Variants in NAV2 observed in about 807,000 individuals in gnomAD.
NAV2 encodes helicase, APC down-regulated 1.
In NAV2, 54 loss-of-function variants were observed where a neutral mutation model predicts 223.2. The ratio of observed to expected loss-of-function variants is 0.24; its 90% CI spans 0.19 to 0.30. NAV2 has a LOEUF of 0.30. Ranked by LOEUF, NAV2 falls within the 10% of genes least tolerant of loss-of-function variation. The pLI, the probability that NAV2 is intolerant of heterozygous loss-of-function variation, is 1.00. For synonymous variants in NAV2, 1,279 were observed against 1,239.3 expected, an observed-to-expected ratio of 1.03 and a Z score of -0.67; for missense variants, 2,806 against 3,147.5, an observed-to-expected ratio of 0.89 and a Z score of 2.60.
chr11:20,080,313 A>C, intron 25 of NAV2, 104 bp downstream of exon 25: 1 of 1,102,976 alleles, frequency 9.1e-7, no homozygotes, highest in Non-Finnish European at 1.3e-6. Context: ...TATCTGTGGA[A>C]CATAGCACTT....
chr11:19,375,540 C>G (rs1848612355), intron 1 of NAV2, among the ~76,000 whole-genome samples: 1 of 152,240 alleles, frequency 6.6e-6, no homozygotes, highest in Non-Finnish European at 1.5e-5. Context: ...CTCCCAGCCT[C>G]TCCTTCCTAT....
At chr11:19,448,707 A>C (rs528707635) in intron 1 of NAV2, among the ~76,000 whole-genome samples, 25 of 152,370 alleles carry the variant, frequency 1.6e-4, no homozygotes, top group Non-Finnish European at 1.3e-4. Context: ...TCCTTACTTC[A>C]TATTATGAGC....
chr11:19,814,437 T>TTTCCACTTGCTGCCGA (rs1555073083), intron 1 of NAV2, among the ~76,000 whole-genome samples: 5 of 152,190 alleles, frequency 3.3e-5, no homozygotes, highest in African/African-American at 1.2e-4. Context: ...GGAAGGCATC[T>TTTCCACTTGCTGCCGA]GTACCCATGG....
intron 1 of NAV2, among the ~76,000 whole-genome samples, chr11:19,565,748 CAT>C (rs2045246720): frequency 1.3e-5 from 2 of 152,230 alleles, no homozygotes; most frequent in African/African-American, 2.4e-5. Flanking sequence ...TGTGTGCAAA[CAT>C]GTGTGCACCC....
intron 1 of NAV2, among the ~76,000 whole-genome samples, chr11:19,669,498 T>A (rs1011453575): frequency 6.6e-6 from 1 of 152,238 alleles, no homozygotes; most frequent in Non-Finnish European, 1.5e-5. Flanking sequence ...GATGATTAAA[T>A]GAGTTGGGAT....
intron 1 of NAV2, among the ~76,000 whole-genome samples, chr11:19,567,497 G>T (rs1400808377): frequency 6.6e-6 from 1 of 152,226 alleles, no homozygotes; most frequent in Non-Finnish European, 1.5e-5. Flanking sequence ...GAGAGGTTGA[G>T]TGATTTGCCC....
At chr11:20,089,800 G>A (rs2060703068) in intron 26 of NAV2, among the ~76,000 whole-genome samples, 1 of 152,070 alleles carries the variant, frequency 6.6e-6, no homozygotes, top group African/African-American at 2.4e-5. Context: ...GTGCTGATTT[G>A]CCAGGTGTTT....
chr11:19,878,868 G>A (rs746594533), intron 4 of NAV2, among the ~76,000 whole-genome samples: 28 of 152,198 alleles, frequency 1.8e-4, no homozygotes, highest in Non-Finnish European at 2.6e-4. Flanking sequence ...ACCTGTAAGT[G>A]TGCATTACCT....
chr11:19,570,466 C>T (rs12418875), intron 1 of NAV2, among the ~76,000 whole-genome samples: 5,497 of 152,196 alleles, frequency 0.036, 221 homozygotes, highest in East Asian at 0.19. Context: ...TGGACTTTAT[C>T]AAAATTAAAA....
chr11:20,088,742 G>T (rs2060621423), intron 26 of NAV2, among the ~76,000 whole-genome samples: 1 of 152,178 alleles, frequency 6.6e-6, no homozygotes, highest in African/African-American at 2.4e-5. Flanking sequence ...TGGGAAAAGG[G>T]TGCAGATCAG....
chr11:19,916,103 T>C (rs1014284254), intron 6 of NAV2, among the ~76,000 whole-genome samples: 1 of 152,220 alleles, frequency 6.6e-6, no homozygotes, highest in Non-Finnish European at 1.5e-5. Flanking sequence ...ATAGTGCCTT[T>C]TACACAGTAT....
intron 1 of NAV2, among the ~76,000 whole-genome samples, chr11:19,421,122 T>A (rs1018667716): frequency 6.6e-6 from 1 of 152,186 alleles, no homozygotes; most frequent in Non-Finnish European, 1.5e-5. Context: ...TCATAGTCGA[T>A]GGACCTGCCT....
At position 19,903,450 on chromosome 11, in the gene NAV2, A is replaced by T. The variant is rs2042610329; in HGVS notation, c.931+10856A>T. Among the ~76,000 whole-genome samples, 6 of 152,294 alleles carry T rather than the reference A, an allele frequency of 3.9e-5. No homozygotes were observed. The South Asian group carries it at 1.2e-3, about 32-fold the overall frequency. ...TCCCCAAACTTTGTGGACAATGCAC[A>T]GATAACAACTGCTGATGGAAATCAA... On this transcript the variant is annotated intron_variant, in intron 6 of 37. Transcript: ENST00000349880.
At chr11:19,350,642 A>G (rs181691322), upstream of NAV2, 1,318 of 400,510 alleles carry the variant, frequency 3.3e-3, 5 homozygotes, top group Non-Finnish European at 5.0e-3. Flanking sequence ...GCCTCAGGAT[A>G]TGGACTTGTC....
chr11:19,659,759 A>G (rs2048224850), intron 1 of NAV2, among the ~76,000 whole-genome samples: 1 of 152,178 alleles, frequency 6.6e-6, no homozygotes, highest in Admixed American at 6.5e-5. Flanking sequence ...CTGAGTTTCA[A>G]TCCTAACCCT....
rs189183704 is a variant in NAV2, at chr11:19,524,266, G to A, written c.75+173239G>A. On this transcript the variant is annotated intron_variant, in intron 1 of 37. Transcript: ENST00000360655. ...GAAAAATTCTGCACATCTGCCACTTGGAGTATCTGCTGGTTGGGTTATGCA... is the reference window on the plus strand; with the variant it reads ...GAAAAATTCTGCACATCTGCCACTTAGAGTATCTGCTGGTTGGGTTATGCA... Among the ~76,000 whole-genome samples the A allele has an allele frequency of 2.6e-5, 4 of 152,328 alleles. No individual in the cohort carries two copies. In the East Asian group the frequency reaches 7.7e-4, roughly 29 times the overall value.
At chr11:19,552,447 G>C (rs1276915518) in intron 1 of NAV2, among the ~76,000 whole-genome samples, 1 of 152,122 alleles carries the variant, frequency 6.6e-6, no homozygotes, top group African/African-American at 2.4e-5. Flanking sequence ...CCCAGGGCCT[G>C]TCCTGCTGGG....
intron 1 of NAV2, chr11:19,401,787 G>A (rs1452962525): frequency 2.0e-5 from 3 of 152,146 alleles, no homozygotes; most frequent in African/African-American, 7.2e-5. Context: ...ATTCTAGAAG[G>A]AATAATTTCC....
At chr11:19,447,030 A>G (rs1417218902) in intron 1 of NAV2, among the ~76,000 whole-genome samples, 1 of 152,196 alleles carries the variant, frequency 6.6e-6, no homozygotes, top group Non-Finnish European at 1.5e-5. Context: ...TGCCTGCTGG[A>G]CCAGAAGGGA....
Sources: allele counts gnomAD v4.1 joint callset (sites outside exome capture counted in the v4.1 genomes callset), GRCh38; gene constraint gnomAD v4.1.1; transcripts MANE v1.5; gene names NCBI Gene and HGNC (gene_info 2026-07-23, HGNC 2026-07-21).